KRT83: variants seen among roughly 807,000 people sequenced by gnomAD.
The protein encoded by KRT83 is keratin, type II cuticular Hb3.
In KRT83, 51 loss-of-function variants were observed where a neutral mutation model predicts 52.9. The observed-to-expected ratio is 0.96, with a 90% confidence interval of 0.77 to 1.22. The LOEUF is 1.22. Ranked by LOEUF, KRT83 falls within the 50% of genes most tolerant of loss-of-function variation. KRT83 has a pLI of 0.00. For missense variants in KRT83, 654 were observed against 666.5 expected (o/e 0.98, Z 0.21); for synonymous variants, 278 against 274.1 (o/e 1.01, Z -0.14).
At chr12:52,314,905 C>T (rs1222238913) in intron 8 of KRT83, 87 bp from the exon 9 acceptor site, 2 of 1,324,604 alleles carry the variant, frequency 1.5e-6, no homozygotes, top group Non-Finnish European at 2.1e-6. Context: ...ATGTGTCGAC[C>T]ATCCAGGGAA....
In KRT83 at chr12:52,321,047, T is replaced by G; in HGVS notation, c.289A>C (p.Asn97His). ...SVNESLLTPL[N>H]LEIDPNAQCV... The stretch of plus-strand genomic sequence containing the variant: ...TGCGCGTTGGGGTCTATCTCCAGGT[T>G]GAGGGGCGTGAGGAGGCTCTCGTTG... The change falls in exon 1 of 9, where the codon AAC (asparagine) becomes CAC (histidine). Residue 97 changes from asparagine to histidine, a missense_variant. By Grantham distance (68) the Asn-to-His change is moderately conservative. Transcript: ENST00000293670. The G allele has an allele frequency of 6.2e-7, 1 of 1,612,690 alleles. No homozygotes were observed. The highest frequency in any genetic ancestry group is 1.1e-5 in the South Asian group (1 of 91,014).
At position 52,316,318 on chromosome 12, in the gene KRT83, C is replaced by T. The variant is rs56118466; in HGVS notation, c.1041+150G>A. On this transcript the variant is annotated intron_variant, in intron 6 of 8. Coordinates refer to ENST00000293670, the MANE Select transcript of KRT83 (RefSeq NM_002282.3). ...ATACACACACACACCTTGGCCAAGA[C>T]AATCAGAAATATTTCAGTAGATTTC... is the stretch of plus-strand genomic sequence containing the variant. The T allele has an allele frequency of 0.39, 505,099 of 1,288,102 alleles. 101,804 individuals carry two copies. Among genetic ancestry groups the T allele is most frequent in the African/African-American group, 0.48 (32,398 of 67,334 alleles). The allele number at this position is 1,288,102 out of a possible 1,614,324, so 79.8% of individuals were successfully genotyped here.
At chr12:52,317,573 G>A in intron 4 of KRT83, 108 bp downstream of exon 4, 4 of 1,280,280 alleles carry the variant, frequency 3.1e-6, no homozygotes, top group Non-Finnish European at 4.6e-6. Context: ...CCAGCCGTGA[G>A]CCTGGGTTCA....
chr12:52,317,069 C>G (rs1938699825), intron 4 of KRT83, 46 bp from the exon 5 acceptor site: 1 of 1,613,274 alleles, frequency 6.2e-7, no homozygotes, highest in South Asian at 1.1e-5. Context: ...ATCTGGGCTT[C>G]TCCTAATCCC....
chr12:52,315,250 CAT>C, intron 8 of KRT83, 60 bp downstream of exon 8: 2 of 1,517,872 alleles, frequency 1.3e-6, no homozygotes, highest in East Asian at 4.5e-5. Context: ...TGCATATATT[CAT>C]AGTCAAGAAG....
In KRT83 at chr12:52,320,994, C is replaced by G. The variant is rs771358344; in HGVS notation, c.342G>C (p.Gln114His). ...AQCVKQEEKEQIKSLNSRFAA... is the reference protein window; with the variant it reads ...AQCVKQEEKEHIKSLNSRFAA... The stretch of plus-strand genomic sequence containing the variant: ...CGAATCTGCTGTTGAGGGACTTGAT[C>G]TGCTCCTTCTCCTCCTGCTTCACGC... The change falls in exon 1 of 9, where the codon CAG becomes CAC. Residue 114 changes from glutamine to histidine, a missense_variant. By Grantham distance (24) the Gln-to-His change is conservative (BLOSUM62 0). Transcript: ENST00000293670. 1.5e-5 allele frequency: 25 copies of G among 1,613,562 alleles called. No homozygotes were observed. In the African/African-American group the frequency reaches 2.8e-4, roughly 18 times the overall value.
At position 52,316,018 on chromosome 12, in the gene KRT83, G is replaced by A. The variant is rs1334612090; in HGVS notation, c.1137C>T (p.Ala379=). The change falls in exon 7 of 9, where the codon GCC becomes GCT. Residue 379 remains alanine, a synonymous_variant. Transcript: ENST00000293670. ...CCATGTCTTGCTTGGCCTTCTGCAG[G>A]GCGCCCTCCAGCTCGGCCAGCTTGC... ...ARCKLAELEG[A]LQKAKQDMAC... The A allele has an allele frequency of 1.2e-6, 2 of 1,613,434 alleles. No homozygotes were observed. The highest frequency in any genetic ancestry group is 1.3e-5 in the African/African-American group (1 of 75,006).
intron 8 of KRT83, among the ~76,000 whole-genome samples, chr12:52,315,107 A>G (rs1026208824): frequency 7.2e-5 from 11 of 152,128 alleles, no homozygotes; most frequent in Non-Finnish European, 2.9e-5. Flanking sequence ...ATGACATCTT[A>G]TTATTTTTTC....
intron 4 of KRT83, 140 bp downstream of exon 4, chr12:52,317,541 C>G (rs1938705825): frequency 9.7e-7 from 1 of 1,027,490 alleles, no homozygotes; most frequent in Non-Finnish European, 1.5e-6. Flanking sequence ...TTCCTTCCCT[C>G]TCCTTGCTCC....
chr12:52,316,495 T>C lies in KRT83; in HGVS notation c.1014A>G (p.Thr338=), dbSNP rs202206430. 1.9e-6 allele frequency: 3 copies of C among 1,614,172 alleles called. No homozygotes were observed. Among genetic ancestry groups the C allele is most frequent in the Non-Finnish European group, 1.7e-6 (2 of 1,180,028 alleles). The part of the protein sequence containing the change: ...NELNRMIQRL[T]AEVENAKCQN... The stretch of plus-strand genomic sequence containing the variant: ...GGCACTTGGCATTCTCCACCTCGGC[T>C]GTCAGCCTCTGGATCATGCGGTTCA... Residue 338 remains threonine (T), a synonymous_variant, in exon 6 of 9, where the codon ACA becomes ACG. Coordinates refer to ENST00000293670, the MANE Select transcript of KRT83 (RefSeq NM_002282.3).
chr12:52,315,014 G>A (rs1242477389), intron 8 of KRT83, among the ~76,000 whole-genome samples, 196 bp from the exon 9 acceptor site: 1 of 152,190 alleles, frequency 6.6e-6, no homozygotes, highest in Non-Finnish European at 1.5e-5. Flanking sequence ...GTGACTTTGG[G>A]AGTCCTTTCC....
rs1486131489 is a variant in KRT83, at chr12:52,315,972, G to T, written c.1183C>A (p.Gln395Lys). The T allele has an allele frequency of 6.2e-6, 10 of 1,612,982 alleles. No homozygotes were observed. Among genetic ancestry groups the T allele is most frequent in the Non-Finnish European group, 8.5e-6 (10 of 1,179,940 alleles). The change falls in exon 7 of 9, where the codon CAG (glutamine) becomes AAG (lysine). Residue 395 changes from glutamine to lysine, a missense_variant. Transcript: ENST00000293670. Reference protein sequence around the residue: ...QDMACLIREYQEVMNSKLGLD... With the variant: ...QDMACLIREYKEVMNSKLGLD... ...CCTAGCTTGGAGTTCATCACCTCCTGGTACTCCCTGATCAGGCAGGCCATG... is the reference window on the plus strand; with the variant it reads ...CCTAGCTTGGAGTTCATCACCTCCTTGTACTCCCTGATCAGGCAGGCCATG...
Position 52,321,053 on chromosome 12 carries a change from G to A in KRT83, c.283C>T (p.Pro95Ser). Residue 95 changes from proline (P) to serine (S), a missense_variant, in exon 1 of 9, where the codon CCC becomes TCC. Pro to Ser is a moderately conservative substitution (Grantham distance 74). Transcript: ENST00000293670. ...TTGGGGTCTATCTCCAGGTTGAGGG[G>A]CGTGAGGAGGCTCTCGTTGACCGAC... The part of the protein sequence containing the change: ...TVSVNESLLT[P>S]LNLEIDPNAQ... 6.2e-7 allele frequency: 1 copy of A among 1,612,672 alleles called. No individual in the cohort carries two copies. Among genetic ancestry groups the A allele is most frequent in the Non-Finnish European group, 8.5e-7 (1 of 1,179,876 alleles).
At chr12:52,316,256 TACACTAC>T in intron 6 of KRT83, 143 bp from the exon 7 acceptor site, 1 of 930,020 alleles carries the variant, frequency 1.1e-6, no homozygotes, top group Non-Finnish European at 1.5e-6. Flanking sequence ...CCTCCTCACT[TACACTAC>T]ACACACACAC....
chr12:52,315,245 A>G, intron 8 of KRT83, 67 bp downstream of exon 8: 3 of 1,480,420 alleles, frequency 2.0e-6, no homozygotes, highest in Non-Finnish European at 2.8e-6. Context: ...GTCTCTGCAT[A>G]TATTCATAGT....
In KRT83 at chr12:52,315,907, C is replaced by A. The variant is rs774201070; in HGVS notation, c.1248G>T (p.Glu416Asp). The change falls in exon 7 of 9, where the codon GAG (glutamate) becomes GAT (aspartate). Residue 416 changes from glutamate (E) to aspartate (D), a missense_variant. By Grantham distance (45) the Glu-to-Asp change is conservative. Coordinates refer to ENST00000293670, the MANE Select transcript of KRT83 (RefSeq NM_002282.3). ...IEIATYRRLL[E>D]GEEQRLCEGV... ...GTTGGACCCACCTCTGCTCCTCGCC[C>A]TCCAGCAGGCGCCTGTAGGTGGCGA... is the stretch of plus-strand genomic sequence containing the variant. 10 of 1,612,590 alleles carry A rather than the reference C, an allele frequency of 6.2e-6. No homozygotes were observed. Among genetic ancestry groups the A allele is most frequent in the Non-Finnish European group, 8.5e-6 (10 of 1,179,890 alleles).
rs766601032 is a variant in KRT83 at position 52,316,530 on chromosome 12, TCTC to T, written c.976_978del (p.Glu326del). On this transcript the variant is annotated inframe_deletion, in exon 6 of 9. Coordinates refer to ENST00000293670, the MANE Select transcript of KRT83 (RefSeq NM_002282.3). ...TGGATCATGCGGTTCAGCTCGTTGATCTCCTCCTTGGTGCGGCGCAGGGTCTCC... is the reference window on the plus strand; with the variant it reads ...TGGATCATGCGGTTCAGCTCGTTGATCTCCTTGGTGCGGCGCAGGGTCTCC... 1.2e-6 allele frequency: 2 copies of T among 1,613,954 alleles called. No individual in the cohort carries two copies. Among genetic ancestry groups the T allele is most frequent in the Middle Eastern group, 1.6e-4 (1 of 6,084 alleles).
chr12:52,317,912 T>C lies in KRT83; in HGVS notation c.652A>G (p.Lys218Glu). ...AGGGCCAGCTGGGCTTCACTCACCTTCTTTAGAGCCACAAACTCGTTCTCT... is the reference window on the plus strand; with the variant it reads ...AGGGCCAGCTGGGCTTCACTCACCTCCTTTAGAGCCACAAACTCGTTCTCT... ...TAENEFVALK[K>E]DVDCAYLRKS... The change falls in exon 3 of 9, where the codon AAG becomes GAG. Residue 218 changes from lysine to glutamate, a missense_variant and splice_region_variant. By Grantham distance (56) the Lys-to-Glu change is moderately conservative. Coordinates refer to ENST00000293670, the MANE Select transcript of KRT83 (RefSeq NM_002282.3). The C allele has an allele frequency of 6.2e-7, 1 of 1,614,184 alleles. No individual in the cohort carries two copies. Among genetic ancestry groups the C allele is most frequent in the Admixed American group, 1.7e-5 (1 of 60,024 alleles).
chr12:52,316,110 A>G lies in KRT83; in HGVS notation c.1045T>C (p.Ser349Pro). Residue 349 changes from serine (S) to proline (P), a missense_variant, in exon 7 of 9, where the codon TCC (serine) becomes CCC (proline). Coordinates refer to ENST00000293670, the MANE Select transcript of KRT83 (RefSeq NM_002282.3). ...AEVENAKCQN[S>P]KLEAAVAQSE... ...TGGGCCACCGCAGCTTCCAGCTTGGAGTTCTGGGAGGTAGGGGGAATATGG... is the reference window on the plus strand; with the variant it reads ...TGGGCCACCGCAGCTTCCAGCTTGGGGTTCTGGGAGGTAGGGGGAATATGG... 6.2e-7 allele frequency: 1 copy of G among 1,613,762 alleles called. No individual in the cohort carries two copies.
Sources: allele counts gnomAD v4.1 joint callset (sites outside exome capture counted in the v4.1 genomes callset), GRCh38; gene constraint gnomAD v4.1.1; transcripts MANE v1.5; gene names NCBI Gene and HGNC (gene_info 2026-07-23, HGNC 2026-07-21).